Variants in SCEL observed in about 807,000 individuals in gnomAD.
SCEL encodes sciellin.
A neutral mutation model predicts 117.6 loss-of-function variants in SCEL; 113 were observed. The observed-to-expected ratio is 0.96, with a 90% CI of 0.83 to 1.12. The LOEUF (loss-of-function observed/expected upper bound fraction) is 1.12, where lower values mean the gene tolerates loss of function less well. Among genes scored for constraint, SCEL ranks in the 50% most tolerant of loss-of-function variants. The pLI, the probability that SCEL is intolerant of heterozygous loss-of-function variation, is 0.00. For missense variants in SCEL, 785 were observed against 810.8 expected (o/e 0.97, Z 0.39); for synonymous variants, 270 against 256.2 (o/e 1.05, Z -0.51).
chr13:77,643,599 A>G (rs190993268), intron 32 of SCEL, among the ~76,000 whole-genome samples: 31 of 152,268 alleles, frequency 2.0e-4, no homozygotes, highest in Non-Finnish European at 4.3e-4. Context: ...TTGTTGGTAT[A>G]ATGAATGAAA....
chr13:77,612,709 A>G (rs959469110), intron 22 of SCEL, among the ~76,000 whole-genome samples, 182 bp from the exon 23 acceptor site: 1 of 151,864 alleles, frequency 6.6e-6, no homozygotes, highest in South Asian at 2.1e-4. Flanking sequence ...TTAAATTATC[A>G]TATATACAAA....
chr13:77,602,705 G>A lies in SCEL; in HGVS notation c.1029G>A (p.Thr343=), dbSNP rs780531840. 7 of 1,613,344 alleles carry A rather than the reference G, an allele frequency of 4.3e-6. No homozygotes were observed. The highest frequency in any genetic ancestry group is 2.7e-5 in the African/African-American group (2 of 74,882). The part of the protein sequence containing the change: ...VAKVNARMNK[T]SRRSEDLDNA... ...AAGTGAATGCCAGGATGAATAAAACGAGCAGAAGGTGAGAACTGAACAGAT... is the reference window on the plus strand; with the variant it reads ...AAGTGAATGCCAGGATGAATAAAACAAGCAGAAGGTGAGAACTGAACAGAT... Residue 343 remains threonine (T), a synonymous_variant, in exon 17 of 33, where the codon ACG becomes ACA. Coordinates refer to ENST00000349847, the MANE Select transcript of SCEL (RefSeq NM_144777.3).
At chr13:77,589,906 A>G (rs1008092332) in intron 10 of SCEL, among the ~76,000 whole-genome samples, 3 of 152,128 alleles carry the variant, frequency 2.0e-5, no homozygotes, top group African/African-American at 7.2e-5. Context: ...CATGTGTTAC[A>G]TTTAAACTGT....
intron 8 of SCEL, among the ~76,000 whole-genome samples, chr13:77,571,047 G>T (rs2085577682): frequency 2.0e-5 from 3 of 151,098 alleles, no homozygotes; most frequent in Admixed American, 1.3e-4. Context: ...TGCCAGGCTG[G>T]TCTTGAGCTC....
intron 19 of SCEL, among the ~76,000 whole-genome samples, chr13:77,606,058 C>T (rs1207787990): frequency 6.6e-6 from 1 of 152,084 alleles, no homozygotes; most frequent in African/African-American, 2.4e-5. Context: ...GTGGGCATGC[C>T]TATGCTTATG....
At chr13:77,571,986 A>G in intron 8 of SCEL, 138 bp from the exon 9 acceptor site, 1 of 695,732 alleles carries the variant, frequency 1.4e-6, no homozygotes, top group Non-Finnish European at 2.5e-6. Flanking sequence ...TTCCTACTTC[A>G]TTTATGAAAT....
intron 9 of SCEL, among the ~76,000 whole-genome samples, chr13:77,578,994 C>T (rs1437772640): frequency 1.3e-5 from 2 of 152,078 alleles, no homozygotes; most frequent in Non-Finnish European, 2.9e-5. Context: ...GAAAGTTGAA[C>T]TTTGATGTAT....
intron 1 of SCEL, among the ~76,000 whole-genome samples, chr13:77,552,046 A>G (rs1450785525): frequency 6.6e-6 from 1 of 151,970 alleles, no homozygotes; most frequent in Admixed American, 6.6e-5. Flanking sequence ...ATGGCTGCAT[A>G]GTATTCCATG....
chr13:77,639,130 C>T (rs1372321345), intron 30 of SCEL, among the ~76,000 whole-genome samples: 1 of 152,066 alleles, frequency 6.6e-6, no homozygotes, highest in Non-Finnish European at 1.5e-5. Context: ...GACTGGCTCA[C>T]CACTCTTTGT....
At chr13:77,544,133 A>G (rs2083870969) in intron 1 of SCEL, among the ~76,000 whole-genome samples, 1 of 152,222 alleles carries the variant, frequency 6.6e-6, no homozygotes, top group Non-Finnish European at 1.5e-5. Context: ...CCTATAAAAT[A>G]TAAGCTCAAA....
chr13:77,637,110 T>C lies in SCEL; in HGVS notation c.1764-10T>C, dbSNP rs2090315046. ...CCTGATTCTCACATGTCCATATATT[T>C]TGTTCCTAGTAAATCACCCAAGGAT... On this transcript the variant is annotated splice_polypyrimidine_tract_variant and intron_variant, in intron 29 of 32. Transcript: ENST00000349847. 4.8e-6 allele frequency: 7 copies of C among 1,447,294 alleles called. No homozygotes were observed. Among genetic ancestry groups the C allele is most frequent in the Non-Finnish European group, 6.6e-6 (7 of 1,054,120 alleles). The allele number at this position is 1,447,294 out of a possible 1,614,324, so 89.7% of individuals were successfully genotyped here.
At chr13:77,627,824 A>G (rs1363242450) in intron 27 of SCEL, 123 bp from the exon 28 acceptor site, 3 of 301,850 alleles carry the variant, frequency 9.9e-6, no homozygotes, top group South Asian at 1.1e-4. Context: ...TCAATCTCCC[A>G]TAGCCTGATA....
At chr13:77,594,460 C>T (rs113700022) in intron 12 of SCEL, among the ~76,000 whole-genome samples, 1,694 of 152,304 alleles carry the variant, frequency 0.011, 37 homozygotes, top group African/African-American at 0.039. Context: ...CCATCCAAGC[C>T]CTGCCCATTG....
In SCEL at chr13:77,612,343, G is replaced by A. The variant is rs531829526; in HGVS notation, c.1338-548G>A. Among the ~76,000 whole-genome samples the A allele has an allele frequency of 1.1e-4, 16 of 151,924 alleles. No homozygotes were observed. In the South Asian group the frequency reaches 2.3e-3, roughly 22 times the overall value. On this transcript the variant is annotated intron_variant, in intron 22 of 32. Transcript: ENST00000349847. ...TGCTTGTGCTAATTCAGCTTTGCAC[G>A]AAGTGTGATTCTGAACTGATTTAAT... is the stretch of plus-strand genomic sequence containing the variant.
intron 2 of SCEL, 119 bp from the exon 3 acceptor site, chr13:77,556,477 C>A: frequency 1.3e-6 from 1 of 787,770 alleles, no homozygotes; most frequent in Non-Finnish European, 2.2e-6. Context: ...CAGTACTGGA[C>A]TTGCCAGCCC....
intron 9 of SCEL, among the ~76,000 whole-genome samples, chr13:77,579,933 A>G (rs1010915765): frequency 2.6e-5 from 4 of 152,212 alleles, no homozygotes; most frequent in African/African-American, 9.6e-5. Context: ...GCATAGAACT[A>G]TAGGCTTCCT....
At chr13:77,593,972 G>A (rs1163083292) in intron 12 of SCEL, among the ~76,000 whole-genome samples, 2 of 150,662 alleles carry the variant, frequency 1.3e-5, no homozygotes, top group Non-Finnish European at 2.9e-5. Flanking sequence ...TTGAATTCCT[G>A]CAGACTCACC....
At position 77,600,364 on chromosome 13, in the gene SCEL, C is replaced by G. The variant is rs556990886; in HGVS notation, c.917+616C>G. On this transcript the variant is annotated intron_variant, in intron 15 of 32. Coordinates refer to ENST00000349847, the MANE Select transcript of SCEL (RefSeq NM_144777.3). ...GGCTGGTCTTGAACTCCTGACCTCACGTGATCTGCCCACCTAGGCCTTCCA... is the reference window on the plus strand; with the variant it reads ...GGCTGGTCTTGAACTCCTGACCTCAGGTGATCTGCCCACCTAGGCCTTCCA... 3.9e-5 allele frequency among the ~76,000 whole-genome samples: 6 copies of G among 151,946 alleles called. No homozygotes were observed. In the East Asian group the frequency reaches 1.2e-3, roughly 30 times the overall value.
intron 3 of SCEL, among the ~76,000 whole-genome samples, chr13:77,557,078 A>G (rs1304071043): frequency 2.6e-5 from 4 of 152,240 alleles, no homozygotes; most frequent in Non-Finnish European, 5.9e-5. Context: ...TGATCATGTC[A>G]GCTGAAATAA....
Sources: gnomAD v4.1 joint callset for allele counts (sites outside exome capture counted in the v4.1 genomes callset) on GRCh38, gnomAD v4.1.1 for gene constraint, MANE v1.5 for transcripts, NCBI Gene and HGNC (gene_info 2026-07-23, HGNC 2026-07-21) for gene names.